The following SKOR2 variants were observed in gnomAD, a reference collection of about 807,000 sequenced individuals.
SKOR2 encodes the protein LBX1 corepressor 1-like protein.
Under a neutral mutation model 69.1 loss-of-function variants are expected in SKOR2, and 47 were observed. The observed-to-expected ratio is 0.68, with a 90% CI of 0.54 to 0.87. SKOR2 has a LOEUF of 0.87. SKOR2 is among the 40% of genes least tolerant of loss of function. The pLI, the probability that SKOR2 is intolerant of heterozygous loss-of-function variation, is 0.00. For synonymous variants in SKOR2, 717 were observed against 672.6 expected, an observed-to-expected ratio of 1.07 and a Z score of -1.02; for missense variants, 1,404 against 1,472.2, an observed-to-expected ratio of 0.95 and a Z score of 0.76.
intron 7 of SKOR2, among the ~76,000 whole-genome samples, chr18:47,214,087 G>C (rs2064136345): frequency 6.6e-6 from 1 of 152,156 alleles, no homozygotes; most frequent in Non-Finnish European, 1.5e-5. Context: ...ATCAACATTA[G>C]ACACCACAAA....
chr18:47,217,616 C>T (rs2144483057), intron 7 of SKOR2, among the ~76,000 whole-genome samples: 1 of 152,242 alleles, frequency 6.6e-6, no homozygotes, highest in South Asian at 2.1e-4. Flanking sequence ...GGGTCAGGAT[C>T]ATCATGGGTG....
At chr18:47,243,796 TAACA>T (rs1198661756) in intron 4 of SKOR2, among the ~76,000 whole-genome samples, 3 of 152,218 alleles carry the variant, frequency 2.0e-5, no homozygotes, top group Non-Finnish European at 4.4e-5. Context: ...CAAAATGTGC[TAACA>T]AACAGGTAAT....
Position 47,247,903 on chromosome 18 carries a change from C to A in SKOR2, c.1281G>T (p.Ala427=). 1 of 1,365,936 alleles carries A rather than the reference C, an allele frequency of 7.3e-7. No individual in the cohort carries two copies. The highest frequency in any genetic ancestry group is 9.4e-7 in the Non-Finnish European group (1 of 1,066,950). 84.6% of individuals were successfully genotyped at this position (1,365,936 alleles called of 1,614,324 possible). Residue 427 remains alanine (A), a synonymous_variant, in exon 2 of 9, where the codon GCG becomes GCT. Transcript: ENST00000425639. The surrounding 1 kb of genome is among the most constrained non-coding windows in gnomAD (Gnocchi z 6.6). ...CCCCCAGGGCCTCAGCGGCGGCACC[C>A]GCATCCTCTTTCTTATGGCACAAGC... is the stretch of plus-strand genomic sequence containing the variant. ...AFSLCHKKED[A]GAAAEALGGA... is the part of the protein sequence containing the mutation.
chr18:47,247,022 C>G lies in SKOR2; in HGVS notation c.2162G>C (p.Gly721Ala), dbSNP rs1230435057. ...PHHRGLLSPG[G>A]TSCCYPSEDS... The stretch of plus-strand genomic sequence containing the variant: ...CTCGCTGGGGTAGCAGCAGCTGGTT[C>G]CCCCGGGAGACAGAAGGCCTCGGTG... Residue 721 changes from glycine (G) to alanine (A), a missense_variant, in exon 2 of 9, where the codon GGA becomes GCA. Physicochemically the swap from Gly to Ala is moderately conservative, Grantham distance 60 (BLOSUM62 0). This residue lies in a region of SKOR2 where 1,266 missense variants were observed against 1,309.9 expected (regional missense o/e 0.97). Transcript: ENST00000425639. This position sits in a 1 kb window ranked among gnomAD's most constrained non-coding sequence, Gnocchi z 6.6. 2.0e-6 allele frequency: 3 copies of G among 1,490,608 alleles called. No homozygotes were observed. The highest frequency in any genetic ancestry group is 1.3e-5 in the South Asian group (1 of 79,320). 92.3% of individuals were successfully genotyped at this position (1,490,608 alleles called of 1,614,324 possible).
intron 4 of SKOR2, among the ~76,000 whole-genome samples, chr18:47,241,246 T>C (rs766699357): frequency 2.6e-5 from 4 of 152,220 alleles, no homozygotes; most frequent in South Asian, 2.1e-4. Flanking sequence ...ATCATGTAGA[T>C]AACGGTTGTT....
In SKOR2 at chr18:47,246,558, AG is replaced by A; in HGVS notation, c.2613+12del. Reference sequence around the variant, plus strand: ...TAATAATTAGCTTGAAGGAGCCTAAAGGGGATATTTACATCTTTGTAGGAGG... The same window carrying A: ...TAATAATTAGCTTGAAGGAGCCTAAAGGGATATTTACATCTTTGTAGGAGG... On this transcript the variant is annotated intron_variant, in intron 2 of 8. Coordinates refer to ENST00000425639, the MANE Select transcript of SKOR2 (RefSeq NM_001278063.4). 1 of 1,509,270 alleles carries A rather than the reference AG, an allele frequency of 6.6e-7. No homozygotes were observed. Among genetic ancestry groups the A allele is most frequent in the Non-Finnish European group, 8.8e-7 (1 of 1,136,940 alleles). The allele number at this position is 1,509,270 out of a possible 1,614,324, so 93.5% of individuals were successfully genotyped here.
intron 6 of SKOR2, among the ~76,000 whole-genome samples, chr18:47,223,014 A>G (rs147277405): frequency 1.3e-5 from 2 of 152,346 alleles, no homozygotes; most frequent in East Asian, 3.9e-4. Context: ...AAAGGAAAAG[A>G]CTGGTTGATT....
intron 5 of SKOR2, 57 bp from the exon 6 acceptor site, chr18:47,230,614 C>T: frequency 9.1e-7 from 1 of 1,101,358 alleles, no homozygotes; most frequent in Non-Finnish European, 1.2e-6. Context: ...CTCCAGAGAA[C>T]TGTTATATAT....
chr18:47,239,744 T>C (rs1040221907), intron 4 of SKOR2, among the ~76,000 whole-genome samples: 1 of 152,160 alleles, frequency 6.6e-6, no homozygotes, highest in African/African-American at 2.4e-5. Context: ...TAAACAAATA[T>C]CTGAAATAAG....
At position 47,247,253 on chromosome 18, in the gene SKOR2, G is replaced by A. The variant is rs1435847781; in HGVS notation, c.1931C>T (p.Ala644Val). The A allele has an allele frequency of 1.6e-5, 24 of 1,471,494 alleles. No individual in the cohort carries two copies. The highest frequency in any genetic ancestry group is 2.3e-5 in the Admixed American group (1 of 42,866). The allele number at this position is 1,471,494 out of a possible 1,614,324, so 91.2% of individuals were successfully genotyped here. A position where few individuals can be genotyped will look rare whatever the true frequency, so the allele number is the denominator to read the frequency against. ...CGTCTGGGCCGAGTGGGGCGCGCCCGCCGACGCCCCGTGCAGCTTGGCCAG... is the reference window on the plus strand; with the variant it reads ...CGTCTGGGCCGAGTGGGGCGCGCCCACCGACGCCCCGTGCAGCTTGGCCAG... ...ESLAKLHGASAGAPHSAQTHP... is the reference protein window; with the variant it reads ...ESLAKLHGASVGAPHSAQTHP... The change falls in exon 2 of 9, where the codon GCG (alanine) becomes GTG (valine). Residue 644 changes from alanine to valine, a missense_variant. By Grantham distance (64) the Ala-to-Val change is moderately conservative (BLOSUM62 0). Around this residue, in one of 3 missense-constraint regions of SKOR2, gnomAD observed 1,266 missense variants for 1,309.9 expected, o/e 0.97. Transcript: ENST00000425639. The surrounding 1 kb of genome is among the most constrained non-coding windows in gnomAD (Gnocchi z 6.6).
intron 4 of SKOR2, among the ~76,000 whole-genome samples, chr18:47,238,605 G>T (rs982893847): frequency 6.6e-6 from 1 of 152,170 alleles, no homozygotes; most frequent in African/African-American, 2.4e-5. Context: ...TTACAGGCAT[G>T]AGCCACTGCG....
chr18:47,247,461 G>T lies in SKOR2; in HGVS notation c.1723C>A (p.Pro575Thr). The T allele has an allele frequency of 7.3e-6, 9 of 1,231,444 alleles. No individual in the cohort carries two copies. Among genetic ancestry groups the T allele is most frequent in the Non-Finnish European group, 8.1e-6 (8 of 987,984 alleles). 76.3% of individuals were successfully genotyped at this position (1,231,444 alleles called of 1,614,324 possible). ...GCAGCTGCCACAGAGTCCGCGGGCG[G>T]CGTGGAGCCCGCGCTGCAGTCCCCG... ...SGGDCSAGST[P>T]PADSVAAAGA... Residue 575 changes from proline to threonine, a missense_variant, in exon 2 of 9, where the codon CCG becomes ACG. This residue lies in a region of SKOR2 where 1,266 missense variants were observed against 1,309.9 expected (regional missense o/e 0.97). Coordinates refer to ENST00000425639, the MANE Select transcript of SKOR2 (RefSeq NM_001278063.4). The surrounding 1 kb of genome is among the most constrained non-coding windows in gnomAD (Gnocchi z 6.6).
At chr18:47,224,055 A>G (rs2064170489) in intron 6 of SKOR2, among the ~76,000 whole-genome samples, 1 of 151,848 alleles carries the variant, frequency 6.6e-6, no homozygotes, top group South Asian at 2.1e-4. Flanking sequence ...ACAGGCATGC[A>G]CCACCATGCC....
intron 7 of SKOR2, among the ~76,000 whole-genome samples, chr18:47,212,592 C>T (rs2064131138): frequency 6.6e-6 from 1 of 152,146 alleles, no homozygotes; most frequent in South Asian, 2.1e-4. Flanking sequence ...GACGTAATTT[C>T]TTTATAACAT....
chr18:47,211,144 C>A (rs1203518388), intron 8 of SKOR2, among the ~76,000 whole-genome samples: 3 of 152,090 alleles, frequency 2.0e-5, no homozygotes, highest in Non-Finnish European at 2.9e-5. Context: ...CAAAAGGAAC[C>A]ATGAGCCTGC....
intron 1 of SKOR2, among the ~76,000 whole-genome samples, chr18:47,250,983 G>T (rs906668047): frequency 6.6e-6 from 1 of 152,200 alleles, no homozygotes; most frequent in East Asian, 1.9e-4. Context: ...CAGCCGGGGC[G>T]GGAAGCTGGC....
In SKOR2 at chr18:47,246,902, C is replaced by G. The variant is rs1293682511; in HGVS notation, c.2282G>C (p.Arg761Pro). 6.7e-7 allele frequency: 1 copy of G among 1,491,540 alleles called. No individual in the cohort carries two copies. Among genetic ancestry groups the G allele is most frequent in the Admixed American group, 2.2e-5 (1 of 45,514 alleles). 92.4% of individuals were successfully genotyped at this position (1,491,540 alleles called of 1,614,324 possible). A position where few individuals can be genotyped will look rare whatever the true frequency, so the allele number is the denominator to read the frequency against. Reference sequence around the variant, plus strand: ...CTCTTCCTCGTCGTCGTCAGGGTCTCGACCTTCCTCCTCTTCCTCGCCCTC... The same window carrying G: ...CTCTTCCTCGTCGTCGTCAGGGTCTGGACCTTCCTCCTCTTCCTCGCCCTC... ...PPEGEEEEEG[R>P]DPDDDEEEDE... Residue 761 changes from arginine (R) to proline (P), a missense_variant, in exon 2 of 9, where the codon CGA (arginine) becomes CCA (proline). This residue lies in a region of SKOR2 where 1,266 missense variants were observed against 1,309.9 expected (regional missense o/e 0.97). Coordinates refer to ENST00000425639, the MANE Select transcript of SKOR2 (RefSeq NM_001278063.4).
Position 47,248,056 on chromosome 18 carries a change from G to A in SKOR2, c.1128C>T (p.Gly376=). 1 of 1,429,372 alleles carries A rather than the reference G, an allele frequency of 7.0e-7. No homozygotes were observed. Among genetic ancestry groups the A allele is most frequent in the Non-Finnish European group, 9.2e-7 (1 of 1,091,896 alleles). 88.5% of individuals were successfully genotyped at this position (1,429,372 alleles called of 1,614,324 possible). The change falls in exon 2 of 9, where the codon GGC becomes GGT. Residue 376 remains glycine, a synonymous_variant. Transcript: ENST00000425639. The surrounding 1 kb of genome is among the most constrained non-coding windows in gnomAD (Gnocchi z 6.4). ...AGAGAGAGAK[G]PRSYPVIPVP... ...CCGGGATGACTGGGTAGCTGCGCGG[G>A]CCTTTGGCCCCTGCCCCGGCACCCG...
chr18:47,211,367 G>T (rs932472234), intron 8 of SKOR2, among the ~76,000 whole-genome samples: 15 of 152,150 alleles, frequency 9.9e-5, no homozygotes, highest in African/African-American at 3.6e-4. Flanking sequence ...TATTGTTACA[G>T]AAACAATGTC....
Sources: allele counts gnomAD v4.1 joint callset (sites outside exome capture counted in the v4.1 genomes callset), GRCh38; gene constraint gnomAD v4.1.1; regional missense constraint gnomAD v4.1.1; non-coding constraint Gnocchi (gnomAD v3.1); transcripts MANE v1.5; gene names NCBI Gene and HGNC (gene_info 2026-07-23, HGNC 2026-07-21).